Variants in TPCN2 observed in about 807,000 individuals in gnomAD.
The protein encoded by TPCN2 is two pore channel protein 2.
TPCN2 carries 92 observed loss-of-function variants against 111.4 expected under a neutral mutation model. The ratio of observed to expected loss-of-function variants is 0.83; its 90% CI spans 0.70 to 0.98. TPCN2 has a LOEUF of 0.98. Ranked by LOEUF, TPCN2 falls within the 50% of genes least tolerant of loss-of-function variation. The pLI is 0.00. For missense variants in TPCN2, 995 were observed against 980.1 expected, an observed-to-expected ratio of 1.02 and a Z score of -0.20; for synonymous variants, 405 against 414.5, an observed-to-expected ratio of 0.98 and a Z score of 0.28.
Position 69,049,403 on chromosome 11 carries a change from G to A in TPCN2, c.109+297G>A, listed in dbSNP as rs114533360. ...AGCCTTGGGCAGCCCCGAGGGAACC[G>A]GCCACCTGCGGCAGGCACCCTCCGT... is the stretch of plus-strand genomic sequence containing the variant. On this transcript the variant is annotated intron_variant, in intron 1 of 24. Coordinates refer to ENST00000294309, the MANE Select transcript of TPCN2 (RefSeq NM_139075.4). 9.2e-3 allele frequency among the ~76,000 whole-genome samples: 1,396 copies of A among 152,340 alleles called. 20 individuals are homozygous for A. Among genetic ancestry groups the A allele is most frequent in the African/African-American group, 0.032 (1,344 of 41,582 alleles).
At chr11:69,085,343 G>GGGGGA in intron 20 of TPCN2, 57 bp downstream of exon 20, 3 of 581,880 alleles carry the variant, frequency 5.2e-6, no homozygotes, top group African/African-American at 1.9e-5. Context: ...GGGTGGGCGG[G>GGGGGA]AAGCCTTGGC....
At chr11:69,053,287 TG>T (rs1476868636) in intron 1 of TPCN2, among the ~76,000 whole-genome samples, 2 of 152,192 alleles carry the variant, frequency 1.3e-5, no homozygotes. Context: ...CGGCAGAGGC[TG>T]GGGGACTCGG....
Position 69,064,938 on chromosome 11 carries a change from TG to T in TPCN2, c.726+972del, listed in dbSNP as rs1281002993. The stretch of plus-strand genomic sequence containing the variant: ...CATGGTGTCTGTATGTCTGTGTGTG[TG>T]TTTGTATGTGTGCATGTGTAGTGTC... On this transcript the variant is annotated intron_variant, in intron 7 of 24. Coordinates refer to ENST00000294309, the MANE Select transcript of TPCN2 (RefSeq NM_139075.4). 3.5e-3 allele frequency among the ~76,000 whole-genome samples: 518 copies of T among 146,578 alleles called. 4 individuals are homozygous for T. The highest frequency in any genetic ancestry group is 0.012 in the African/African-American group (495 of 39,988).
rs1415022427 is a variant in TPCN2 at position 69,054,712 on chromosome 11, C to T, written c.175-9C>T. 11 of 1,613,950 alleles carry T rather than the reference C, an allele frequency of 6.8e-6. No homozygotes were observed. The highest frequency in any genetic ancestry group is 2.2e-5 in the South Asian group (2 of 91,064). On this transcript the variant is annotated splice_polypyrimidine_tract_variant and intron_variant, in intron 2 of 24. Transcript: ENST00000294309. ...CCATGTCATGCCTCATGTGACTTTT[C>T]GCTTGTAGTACCGCTCCATCAACCA...
chr11:69,072,504 C>A, intron 11 of TPCN2, 123 bp from the exon 12 acceptor site: 1 of 916,376 alleles, frequency 1.1e-6, no homozygotes, highest in South Asian at 1.7e-5. Context: ...CTTGGTGTGG[C>A]TCAAGCTGCA....
chr11:69,051,865 G>A (rs1861242149), intron 1 of TPCN2, among the ~76,000 whole-genome samples: 1 of 152,166 alleles, frequency 6.6e-6, no homozygotes, highest in Non-Finnish European at 1.5e-5. Flanking sequence ...CGGAATGAGT[G>A]GCACTGAGGG....
At chr11:69,079,105 C>T (rs1855903645) in intron 16 of TPCN2, 85 bp downstream of exon 16, 2 of 1,475,726 alleles carry the variant, frequency 1.4e-6, no homozygotes, top group Non-Finnish European at 1.8e-6. Context: ...TCTCAGGCCT[C>T]CCCTGAGGAC....
intron 7 of TPCN2, among the ~76,000 whole-genome samples, chr11:69,066,203 G>A (rs1855265350): frequency 6.6e-6 from 1 of 152,142 alleles, no homozygotes; most frequent in Non-Finnish European, 1.5e-5. Flanking sequence ...AGGGTGGGAC[G>A]GGGGATGCCC....
At position 69,048,948 on chromosome 11, in the gene TPCN2, C is replaced by A. The variant is rs1861086198; in HGVS notation, c.-50C>A. ...CGCGCCTGCGCAGTGAAGCTGGGCG[C>A]CTTCGGGGCTTGAGCTTCTGAGGGT... On this transcript the variant is annotated 5_prime_UTR_variant, in exon 1 of 25. Coordinates refer to ENST00000294309, the MANE Select transcript of TPCN2 (RefSeq NM_139075.4). 8.5e-7 allele frequency: 1 copy of A among 1,175,386 alleles called. No homozygotes were observed. Among genetic ancestry groups the A allele is most frequent in the African/African-American group, 1.6e-5 (1 of 63,502 alleles). 72.8% of individuals were successfully genotyped at this position (1,175,386 alleles called of 1,614,324 possible).
chr11:69,086,527 T>G lies in TPCN2; in HGVS notation c.2008T>G (p.Ser670Ala). The change falls in exon 23 of 25, where the codon TCC becomes GCC. Residue 670 changes from serine to alanine, a missense_variant. Ser to Ala is a moderately conservative substitution (Grantham distance 99). Coordinates refer to ENST00000294309, the MANE Select transcript of TPCN2 (RefSeq NM_139075.4). ...GTGGGTCTCTGTCCTCCGCAGGTGG[T>G]CCAAGATCTATTTTGTATTGTGGTG... ...DAYRRYSGPWSKIYFVLWWLV... is the reference protein window; with the variant it reads ...DAYRRYSGPWAKIYFVLWWLV... 6.2e-7 allele frequency: 1 copy of G among 1,614,112 alleles called. No homozygotes were observed. Among genetic ancestry groups the G allele is most frequent in the Non-Finnish European group, 8.5e-7 (1 of 1,179,974 alleles).
At chr11:69,049,467 C>T (rs1194508766) in intron 1 of TPCN2, among the ~76,000 whole-genome samples, 2 of 152,230 alleles carry the variant, frequency 1.3e-5, no homozygotes, top group African/African-American at 4.8e-5. Context: ...TCCCGACTGT[C>T]GCCGTAATGA....
chr11:69,062,828 G>A lies in TPCN2; in HGVS notation c.547-56G>A, dbSNP rs970194923. 5 of 1,541,026 alleles carry A rather than the reference G, an allele frequency of 3.2e-6. No individual in the cohort carries two copies. The African/African-American group carries it at 6.8e-5, about 21-fold the overall frequency. ...ACCGTGTGCCCATCTGGGATGGTCG[G>A]TGAGGGGTAGAACTAAGCACTTGAC... On this transcript the variant is annotated intron_variant, in intron 5 of 24. Coordinates refer to ENST00000294309, the MANE Select transcript of TPCN2 (RefSeq NM_139075.4).
At chr11:69,074,216 C>T (rs1855656291) in intron 13 of TPCN2, among the ~76,000 whole-genome samples, 1 of 152,194 alleles carries the variant, frequency 6.6e-6, no homozygotes, top group African/African-American at 2.4e-5. Context: ...TTCCAGACCT[C>T]TGTAGTCAGG....
chr11:69,065,023 A>G (rs1210124704), intron 7 of TPCN2, among the ~76,000 whole-genome samples: 8 of 142,036 alleles, frequency 5.6e-5, no homozygotes, highest in Admixed American at 5.0e-4. Context: ...TGGTGTCTGT[A>G]TGTCTGTGTG....
chr11:69,086,742 G>T (rs1231814551), intron 23 of TPCN2, 138 bp downstream of exon 23: 1 of 799,854 alleles, frequency 1.3e-6, no homozygotes, highest in African/African-American at 1.7e-5. Context: ...TCCTGAGTGA[G>T]GCTGAGCCCC....
At chr11:69,053,373 A>G (rs962265425) in intron 1 of TPCN2, among the ~76,000 whole-genome samples, 1 of 151,854 alleles carries the variant, frequency 6.6e-6, no homozygotes, top group Non-Finnish European at 1.5e-5. Flanking sequence ...CAGTGAGGGA[A>G]TGGGACCTTG....
At chr11:69,087,725 A>G (rs1856340889) in intron 24 of TPCN2, 150 bp from the exon 25 acceptor site, 1 of 611,030 alleles carries the variant, frequency 1.6e-6, no homozygotes, top group African/African-American at 1.9e-5. Context: ...GGCTACATCC[A>G]TCCTGAGGCT....
In TPCN2 at chr11:69,081,382, TC is replaced by T. The variant is rs1164313480; in HGVS notation, c.1590-15del. The T allele has an allele frequency of 6.5e-7, 1 of 1,531,754 alleles. No individual in the cohort carries two copies. Among genetic ancestry groups the T allele is most frequent in the Admixed American group, 2.0e-5 (1 of 50,930 alleles). 94.9% of individuals were successfully genotyped at this position (1,531,754 alleles called of 1,614,324 possible). Reference sequence around the variant, plus strand: ...GCTCCTGGGCTCCTCCCAACCCGCCTCCCGTGTCTCTCCCCAGGAGGCCGGA... The same window carrying T: ...GCTCCTGGGCTCCTCCCAACCCGCCTCCGTGTCTCTCCCCAGGAGGCCGGA... On this transcript the variant is annotated splice_polypyrimidine_tract_variant and intron_variant, in intron 17 of 24. Transcript: ENST00000294309.
chr11:69,078,369 GGA>G, intron 13 of TPCN2, 111 bp from the exon 14 acceptor site: 1 of 1,345,666 alleles, frequency 7.4e-7, no homozygotes, highest in Non-Finnish European at 1.0e-6. Context: ...AGATAGGACG[GGA>G]GATGGGGTAG....
Sources: allele counts gnomAD v4.1 joint callset (sites outside exome capture counted in the v4.1 genomes callset), GRCh38; gene constraint gnomAD v4.1.1; transcripts MANE v1.5; gene names NCBI Gene and HGNC (gene_info 2026-07-23, HGNC 2026-07-21).